POFUT3: variants seen among roughly 807,000 people sequenced by gnomAD.
The protein encoded by POFUT3 is protein O-fucosyltransferase 3, also known as GDP-fucose protein O-fucosyltransferase 3.
chr8:33,470,088 C>T, the POFUT3 span, among the ~76,000 whole-genome samples: 10 of 151,640 alleles, frequency 6.6e-5, no homozygotes, highest in East Asian at 9.7e-4. Flanking sequence ...CCATGGCGCC[C>T]GGCAAGAAGC....
At chr8:33,395,940 C>T in the POFUT3 span, among the ~76,000 whole-genome samples, 3 of 152,134 alleles carry the variant, frequency 2.0e-5, no homozygotes, top group South Asian at 2.1e-4. Flanking sequence ...AAGGAAGTCA[C>T]GGGAACTATC....
the POFUT3 span, among the ~76,000 whole-genome samples, chr8:33,426,919 G>C: frequency 5.3e-5 from 8 of 152,128 alleles, no homozygotes; most frequent in South Asian, 2.1e-4. Flanking sequence ...ACCCTCTCTG[G>C]AATAGCCACA....
At chr8:33,363,689 G>C in the POFUT3 span, among the ~76,000 whole-genome samples, 5 of 152,042 alleles carry the variant, frequency 3.3e-5, no homozygotes, top group Non-Finnish European at 5.9e-5. Flanking sequence ...ATAAATTCCT[G>C]GACACATACA....
the POFUT3 span, among the ~76,000 whole-genome samples, chr8:33,358,617 C>T: frequency 6.6e-6 from 1 of 152,074 alleles, no homozygotes; most frequent in Non-Finnish European, 1.5e-5. Context: ...GAAATTCTAA[C>T]CTGCAAGATG....
the POFUT3 span, among the ~76,000 whole-genome samples, chr8:33,401,743 G>A: frequency 3.9e-5 from 6 of 152,062 alleles, no homozygotes; most frequent in African/African-American, 1.2e-4. Flanking sequence ...TGAAAAGTGG[G>A]TTAAGGCCAG....
chr8:33,444,347 G>T, the POFUT3 span, among the ~76,000 whole-genome samples: 1 of 151,974 alleles, frequency 6.6e-6, no homozygotes, highest in East Asian at 1.9e-4. Context: ...CCATGTCTGA[G>T]GGCTGCGAGC....
the POFUT3 span, among the ~76,000 whole-genome samples, chr8:33,428,205 A>G: frequency 6.6e-6 from 1 of 152,250 alleles, no homozygotes; most frequent in Admixed American, 6.5e-5. Context: ...ACTAAAAGAC[A>G]TAAGGCTGTC....
At chr8:33,341,434 CAAA>C in the POFUT3 span, among the ~76,000 whole-genome samples, 4 of 52,378 alleles carry the variant, frequency 7.6e-5, no homozygotes, top group Admixed American at 2.1e-4. Context: ...GACTCCATCT[CAAA>C]AAAAAAAAAA....
the POFUT3 span, chr8:33,436,245 CACA>C: frequency 2.2e-6 from 3 of 1,354,914 alleles, no homozygotes; most frequent in Non-Finnish European, 3.1e-6. Flanking sequence ...TATTCTCATG[CACA>C]ACAACAGCTC....
chr8:33,423,975 C>T, the POFUT3 span, among the ~76,000 whole-genome samples: 1 of 151,806 alleles, frequency 6.6e-6, no homozygotes. Context: ...CCTATCTCTA[C>T]TAAAAATACA....
chr8:33,372,709 C>T, the POFUT3 span: 4 of 1,614,046 alleles, frequency 2.5e-6, no homozygotes, highest in Non-Finnish European at 3.4e-6. Context: ...GCAAAGAGCT[C>T]AAAGGTGGAG....
the POFUT3 span, chr8:33,453,093 G>T: frequency 4.3e-6 from 4 of 932,364 alleles, no homozygotes; most frequent in Admixed American, 9.8e-5. Flanking sequence ...AAATGCAAAG[G>T]AAATCAGGGG....
At chr8:33,408,646 G>A in the POFUT3 span, among the ~76,000 whole-genome samples, 1 of 152,092 alleles carries the variant, frequency 6.6e-6, no homozygotes, top group Non-Finnish European at 1.5e-5. Flanking sequence ...CTCCTGATTG[G>A]AAAATAGAGG....
the POFUT3 span, among the ~76,000 whole-genome samples, chr8:33,403,781 T>G: frequency 6.6e-6 from 1 of 152,180 alleles, no homozygotes; most frequent in African/African-American, 2.4e-5. Context: ...ATTATTTATA[T>G]CTAAAGTAAG....
chr8:33,343,441 C>T, the POFUT3 span, among the ~76,000 whole-genome samples: 3 of 152,134 alleles, frequency 2.0e-5, no homozygotes, highest in African/African-American at 4.8e-5. Context: ...GCAAGAAATG[C>T]GATAGACAAG....
the POFUT3 span, among the ~76,000 whole-genome samples, chr8:33,353,531 A>G: frequency 3.9e-5 from 6 of 152,148 alleles, no homozygotes; most frequent in Admixed American, 2.6e-4. Context: ...TCTGCACAAG[A>G]TTAGAAGTTG....
At chr8:33,387,553 C>T in the POFUT3 span, among the ~76,000 whole-genome samples, 1 of 152,126 alleles carries the variant, frequency 6.6e-6, no homozygotes, top group Non-Finnish European at 1.5e-5. Context: ...CCTGTAATCC[C>T]AGCACTTTGG....
chr8:33,465,210 G>A, the POFUT3 span, among the ~76,000 whole-genome samples: 7 of 152,144 alleles, frequency 4.6e-5, no homozygotes, highest in East Asian at 1.3e-3. Flanking sequence ...AGATTATGTA[G>A]TAAAATAATA....
the POFUT3 span, among the ~76,000 whole-genome samples, chr8:33,467,380 C>T: frequency 6.6e-6 from 1 of 150,892 alleles, no homozygotes; most frequent in African/African-American, 2.4e-5. Context: ...CAGACACATA[C>T]TGAAGCACTT....
Sources: gnomAD v4.1 joint callset for allele counts (sites outside exome capture counted in the v4.1 genomes callset) on GRCh38, gnomAD v4.1.1 for gene constraint, MANE v1.5 for transcripts, NCBI Gene and HGNC (gene_info 2026-07-23, HGNC 2026-07-21) for gene names.